The following ARHGAP10 variants were observed in gnomAD, a reference collection of about 807,000 sequenced individuals.
ARHGAP10 encodes rho GTPase-activating protein 10.
In ARHGAP10, 87 loss-of-function variants were observed where a neutral mutation model predicts 108.6. The observed-to-expected ratio is 0.80, with a 90% CI of 0.67 to 0.96. The LOEUF (loss-of-function observed/expected upper bound fraction) is 0.96, where lower values mean the gene tolerates loss of function less well. ARHGAP10 is among the 40% of genes least tolerant of loss of function. The probability of loss-of-function intolerance (pLI) is 0.00; values close to 1 mark genes in which losing one functional copy is unlikely to be tolerated. For synonymous variants in ARHGAP10, 347 were observed against 341.1 expected (o/e 1.02, Z -0.19); for missense variants, 939 against 954.5 (o/e 0.98, Z 0.21).
chr4:148,044,849 AGT>A (rs1728804633), intron 19 of ARHGAP10, among the ~76,000 whole-genome samples: 1 of 152,228 alleles, frequency 6.6e-6, no homozygotes. Context: ...GTGGTCTACC[AGT>A]GGGTTTTGGT....
chr4:147,793,236 A>G (rs1007792939), intron 1 of ARHGAP10, among the ~76,000 whole-genome samples: 9 of 150,396 alleles, frequency 6.0e-5, no homozygotes, highest in Admixed American at 2.0e-4. Context: ...GTGTGTGTGT[A>G]TATATATGTA....
intron 1 of ARHGAP10, among the ~76,000 whole-genome samples, chr4:147,766,821 T>C (rs963009331): frequency 1.4e-4 from 2 of 14,326 alleles, no homozygotes; most frequent in African/African-American, 1.5e-4. Context: ...TATATATATA[T>C]ATATATATAT....
At chr4:147,986,787 C>T (rs1560860465) in intron 18 of ARHGAP10, among the ~76,000 whole-genome samples, 2 of 152,208 alleles carry the variant, frequency 1.3e-5, no homozygotes, top group African/African-American at 4.8e-5. Flanking sequence ...GTAGACATTA[C>T]TTTCATCCCT....
chr4:147,997,574 G>C (rs1159473188), intron 18 of ARHGAP10, among the ~76,000 whole-genome samples: 1 of 152,168 alleles, frequency 6.6e-6, no homozygotes, highest in East Asian at 1.9e-4. Flanking sequence ...CATTGGATGT[G>C]GAGGACAAAG....
chr4:148,008,001 T>C (rs542991532), intron 18 of ARHGAP10, among the ~76,000 whole-genome samples: 1 of 152,152 alleles, frequency 6.6e-6, no homozygotes, highest in African/African-American at 2.4e-5. Context: ...GTTAGCATCT[T>C]CCTCCTTCTG....
At chr4:147,948,274 A>G (rs1738464847) in intron 15 of ARHGAP10, among the ~76,000 whole-genome samples, 1 of 152,198 alleles carries the variant, frequency 6.6e-6, no homozygotes, top group Non-Finnish European at 1.5e-5. Context: ...TACTGTACCC[A>G]TAAATACTTC....
chr4:147,919,942 G>T (rs964331022), intron 13 of ARHGAP10, among the ~76,000 whole-genome samples: 1 of 152,112 alleles, frequency 6.6e-6, no homozygotes, highest in Admixed American at 6.5e-5. Flanking sequence ...ATTGGATGTG[G>T]ACTGGGAAGT....
At chr4:147,957,553 G>A (rs2126986661) in intron 16 of ARHGAP10, among the ~76,000 whole-genome samples, 1 of 152,292 alleles carries the variant, frequency 6.6e-6, no homozygotes, top group Non-Finnish European at 1.5e-5. Context: ...TAGCTGAGCT[G>A]ACTGCTAAAA....
intron 1 of ARHGAP10, among the ~76,000 whole-genome samples, chr4:147,784,623 T>C (rs1376520045): frequency 1.0e-5 from 1 of 99,922 alleles, no homozygotes; most frequent in Non-Finnish European, 1.8e-5. Flanking sequence ...AGAATAAATA[T>C]ATATTATATA....
At chr4:147,798,447 A>G (rs1276611216) in intron 1 of ARHGAP10, among the ~76,000 whole-genome samples, 2 of 152,134 alleles carry the variant, frequency 1.3e-5, no homozygotes, top group Non-Finnish European at 2.9e-5. Flanking sequence ...GTGGTGGCTC[A>G]TGCCTATAAT....
intron 19 of ARHGAP10, among the ~76,000 whole-genome samples, chr4:148,029,212 A>C (rs1728025596): frequency 6.6e-6 from 1 of 152,206 alleles, no homozygotes; most frequent in Non-Finnish European, 1.5e-5. Flanking sequence ...ACTATGAGCA[A>C]AGTACAGCTC....
At position 147,864,860 on chromosome 4, in the gene ARHGAP10, A is replaced by G; in HGVS notation, c.501A>G (p.Val167=). The G allele has an allele frequency of 6.2e-7, 1 of 1,613,720 alleles. No individual in the cohort carries two copies. Among genetic ancestry groups the G allele is most frequent in the African/African-American group, 1.3e-5 (1 of 75,024 alleles). The change falls in exon 6 of 23, where the codon GTA becomes GTG. Residue 167 remains valine, a synonymous_variant. Transcript: ENST00000336498. ...TTTTAACATAGGCAGATATCCAAGT[A>G]GAGCAGAACCGGCAACACTTCTATG... ...DSHLQEADIQ[V]EQNRQHFYEL...
chr4:147,787,452 C>CG (rs371473394), intron 1 of ARHGAP10, among the ~76,000 whole-genome samples: 116,109 of 151,750 alleles, frequency 0.77, 49,585 homozygotes, highest in Non-Finnish European at 0.94. Context: ...GTGATGGAAG[C>CG]GGTGGGGGAG....
intron 3 of ARHGAP10, among the ~76,000 whole-genome samples, chr4:147,837,916 A>C (rs1045834881): frequency 6.6e-6 from 1 of 152,136 alleles, no homozygotes; most frequent in Non-Finnish European, 1.5e-5. Context: ...AAGATTAAAC[A>C]TAATAAAATT....
intron 18 of ARHGAP10, among the ~76,000 whole-genome samples, chr4:148,011,899 A>G (rs1741182554): frequency 6.6e-6 from 1 of 152,206 alleles, no homozygotes; most frequent in African/African-American, 2.4e-5. Context: ...TGGGATTTGA[A>G]TTACATAAAA....
chr4:147,929,663 T>C (rs1456434882), intron 13 of ARHGAP10, among the ~76,000 whole-genome samples: 2 of 152,192 alleles, frequency 1.3e-5, no homozygotes, highest in African/African-American at 2.4e-5. Context: ...TTCTTAATAT[T>C]ACCTTCATAA....
At position 148,019,733 on chromosome 4, in the gene ARHGAP10, C is replaced by T. The variant is rs1399709075; in HGVS notation, c.1717-3530C>T. Among the ~76,000 whole-genome samples the T allele has an allele frequency of 2.6e-5, 4 of 151,684 alleles. No homozygotes were observed. In the East Asian group the frequency reaches 5.8e-4, roughly 22 times the overall value. On this transcript the variant is annotated intron_variant, in intron 18 of 22. Transcript: ENST00000336498. The stretch of plus-strand genomic sequence containing the variant: ...TGAGCCGAGATCGCGCCATTGCACT[C>T]CAGCCTGGGTGACAGAGTGAGACTC...
At chr4:147,922,667 G>T (rs1459601429) in intron 13 of ARHGAP10, among the ~76,000 whole-genome samples, 1 of 129,752 alleles carries the variant, frequency 7.7e-6, no homozygotes, top group African/African-American at 3.1e-5. Context: ...CAGCCTGGGC[G>T]ACAGAGCGAG....
At chr4:147,984,202 G>C (rs1739938917) in intron 18 of ARHGAP10, among the ~76,000 whole-genome samples, 2 of 152,144 alleles carry the variant, frequency 1.3e-5, no homozygotes, top group East Asian at 3.9e-4. Context: ...ATAGCTGCCT[G>C]GGGAATGGGC....
Sources: allele counts gnomAD v4.1 joint callset (sites outside exome capture counted in the v4.1 genomes callset), GRCh38; gene constraint gnomAD v4.1.1; transcripts MANE v1.5; gene names NCBI Gene and HGNC (gene_info 2026-07-23, HGNC 2026-07-21).